Variants in FRMD4A observed in about 807,000 individuals in gnomAD.
FRMD4A encodes FERM domain-containing protein 4A.
FRMD4A carries 29 observed loss-of-function variants against 129.1 expected under a neutral mutation model. That is an observed-to-expected ratio of 0.22 (90% CI 0.17 to 0.31). The LOEUF is 0.31. Ranked by LOEUF, FRMD4A falls within the 10% of genes least tolerant of loss-of-function variation. The pLI is 1.00. For synonymous variants in FRMD4A, 634 were observed against 571.6 expected, an observed-to-expected ratio of 1.11 and a Z score of -1.56; for missense variants, 1,272 against 1,375.8, an observed-to-expected ratio of 0.92 and a Z score of 1.19.
Position 13,869,464 on chromosome 10 carries a change from G to A in FRMD4A, c.46-10552C>T, listed in dbSNP as rs569919214. Among the ~76,000 whole-genome samples, 81 of 152,384 alleles carry A rather than the reference G, an allele frequency of 5.3e-4. 1 individual carries two copies. The South Asian group carries it at 0.015, about 29-fold the overall frequency. On this transcript the variant is annotated intron_variant, in intron 2 of 24. Transcript: ENST00000357447. ...GACAGATGTGGAAGGCCAAGATTCC[G>A]CTGGGGCGGGTCCACAATCACCCTC...
At chr10:13,778,239 A>T (rs76690143) in intron 6 of FRMD4A, among the ~76,000 whole-genome samples, 93,349 of 150,286 alleles carry the variant, frequency 0.62, 30,682 homozygotes, top group East Asian at 0.86. Context: ...ATTTATTTAA[A>T]AAAAAAACCT....
In FRMD4A at chr10:13,974,452, G is replaced by T. The variant is rs188495332; in HGVS notation, c.46-115540C>A. Among the ~76,000 whole-genome samples the T allele has an allele frequency of 1.8e-3, 271 of 152,234 alleles. 2 individuals carry two copies. The highest frequency in any genetic ancestry group is 6.8e-3 in the Middle Eastern group (2 of 294). ...CATGGAAGCTCGGGGTGACAGTGCC[G>T]TTGGAGGATGCTGCCTGATTTCACT... On this transcript the variant is annotated intron_variant, in intron 2 of 24. Coordinates refer to ENST00000357447, the MANE Select transcript of FRMD4A (RefSeq NM_018027.5).
At chr10:13,960,335 T>C (rs1007485606) in intron 2 of FRMD4A, among the ~76,000 whole-genome samples, 3 of 152,354 alleles carry the variant, frequency 2.0e-5, no homozygotes, top group East Asian at 3.9e-4. Context: ...TTTTGAGACG[T>C]TAAGGAATAT....
At chr10:13,659,289 G>C (rs773914910) in intron 21 of FRMD4A, 34 bp downstream of exon 21, 7 of 1,596,896 alleles carry the variant, frequency 4.4e-6, no homozygotes, top group South Asian at 2.2e-5. Context: ...AAAAAGGAAG[G>C]CTTGGTCTGA....
At chr10:13,790,882 T>C (rs539301345) in intron 5 of FRMD4A, among the ~76,000 whole-genome samples, 1 of 151,686 alleles carries the variant, frequency 6.6e-6, no homozygotes, top group Admixed American at 6.6e-5. Flanking sequence ...TCAGTTAGAT[T>C]GGGACGTGGT....
intron 2 of FRMD4A, among the ~76,000 whole-genome samples, chr10:14,323,602 C>A (rs1047689748): frequency 6.6e-6 from 1 of 152,146 alleles, no homozygotes; most frequent in East Asian, 1.9e-4. Flanking sequence ...TCCTAGCATC[C>A]CCTTCTGATA....
At chr10:14,315,925 T>A (rs1846722204) in intron 2 of FRMD4A, among the ~76,000 whole-genome samples, 1 of 152,204 alleles carries the variant, frequency 6.6e-6, no homozygotes, top group African/African-American at 2.4e-5. Context: ...GTGGATGACA[T>A]ATAGTCCCTG....
chr10:14,235,777 C>G (rs1411414111), intron 2 of FRMD4A, among the ~76,000 whole-genome samples: 1 of 152,214 alleles, frequency 6.6e-6, no homozygotes, highest in Middle Eastern at 3.2e-3. Context: ...AGAATATTTG[C>G]TGGTGTTGCC....
intron 2 of FRMD4A, among the ~76,000 whole-genome samples, chr10:14,192,414 G>A (rs940209956): frequency 6.6e-5 from 10 of 152,232 alleles, no homozygotes; most frequent in South Asian, 4.1e-4. Context: ...ATGGGAAAGT[G>A]TAAATATCAG....
At chr10:13,652,174 A>G in intron 23 of FRMD4A, 200 bp from the exon 24 acceptor site, 1 of 599,246 alleles carries the variant, frequency 1.7e-6, no homozygotes, top group Non-Finnish European at 3.0e-6. Context: ...GTTTGTTAGG[A>G]GGGACGGGCC....
At chr10:14,270,178 TG>T (rs1845115758) in intron 2 of FRMD4A, among the ~76,000 whole-genome samples, 1 of 152,204 alleles carries the variant, frequency 6.6e-6, no homozygotes, top group African/African-American at 2.4e-5. Flanking sequence ...GGACTTAGAC[TG>T]AGTTATGTTA....
chr10:14,285,889 T>G (rs922641416), intron 2 of FRMD4A, among the ~76,000 whole-genome samples: 3 of 152,206 alleles, frequency 2.0e-5, no homozygotes, highest in Admixed American at 1.3e-4. Flanking sequence ...ATGGTAATGA[T>G]GATGTTTTGG....
chr10:13,693,591 G>C, intron 15 of FRMD4A: 1 of 968,734 alleles, frequency 1.0e-6, no homozygotes. Flanking sequence ...ATTCCCGACA[G>C]CTTGCCATGG....
chr10:13,813,769 T>A (rs867132044), intron 3 of FRMD4A, among the ~76,000 whole-genome samples: 77 of 152,362 alleles, frequency 5.1e-4, no homozygotes, highest in African/African-American at 1.7e-3. Context: ...CAGAGCGTAT[T>A]GTACCGCGTA....
At chr10:13,925,565 G>GTTTTTTTTT (rs2095122298) in intron 2 of FRMD4A, among the ~76,000 whole-genome samples, 1 of 59,794 alleles carries the variant, frequency 1.7e-5, no homozygotes, top group Non-Finnish European at 2.9e-5. Context: ...GTAGTGAAAC[G>GTTTTTTTTT]CTTTTTTTTT....
intron 2 of FRMD4A, among the ~76,000 whole-genome samples, chr10:13,925,744 T>C (rs1427973910): frequency 6.6e-6 from 1 of 151,592 alleles, no homozygotes. Flanking sequence ...CCACCACGCC[T>C]GAATAATTTT....
intron 2 of FRMD4A, among the ~76,000 whole-genome samples, chr10:13,875,928 T>C (rs1334148265): frequency 6.6e-6 from 1 of 152,186 alleles, no homozygotes; most frequent in East Asian, 1.9e-4. Context: ...TAATCTGATG[T>C]GTATAAAGTG....
intron 2 of FRMD4A, among the ~76,000 whole-genome samples, chr10:14,171,822 T>C (rs1360612915): frequency 6.6e-6 from 1 of 152,212 alleles, no homozygotes; most frequent in African/African-American, 2.4e-5. Context: ...TTGTCTGACC[T>C]ATCATCATAC....
chr10:14,167,165 A>T (rs1057215920), intron 2 of FRMD4A, among the ~76,000 whole-genome samples: 1 of 152,212 alleles, frequency 6.6e-6, no homozygotes, highest in African/African-American at 2.4e-5. Flanking sequence ...ATTTGACTAT[A>T]TGAAAGTATG....
Sources: gnomAD v4.1 joint callset for allele counts (sites outside exome capture counted in the v4.1 genomes callset) on GRCh38, gnomAD v4.1.1 for gene constraint, MANE v1.5 for transcripts, NCBI Gene and HGNC (gene_info 2026-07-23, HGNC 2026-07-21) for gene names.